Variants in ROBO2 observed in about 807,000 individuals in gnomAD.
ROBO2 encodes the protein roundabout guidance receptor 2, also known as roundabout homolog 2.
Under a neutral mutation model 160.8 loss-of-function variants are expected in ROBO2, and 53 were observed. The observed-to-expected ratio is 0.33, with a 90% confidence interval of 0.26 to 0.41. ROBO2 has a LOEUF of 0.41. Ranked by LOEUF, ROBO2 falls within the 10% of genes least tolerant of loss-of-function variation. The pLI is 1.00. For missense variants in ROBO2, 1,577 were observed against 1,722.4 expected, an observed-to-expected ratio of 0.92 and a Z score of 1.49; for synonymous variants, 664 against 611.7, an observed-to-expected ratio of 1.09 and a Z score of -1.26.
intron 2 of ROBO2, among the ~76,000 whole-genome samples, chr3:75,978,635 C>T (rs2065194797): frequency 6.6e-6 from 1 of 151,448 alleles, no homozygotes; most frequent in African/African-American, 2.4e-5. Context: ...TGATATCAGT[C>T]CTTAAGAGTT....
intron 2 of ROBO2, among the ~76,000 whole-genome samples, chr3:77,461,165 T>A (rs891085422): frequency 6.6e-6 from 1 of 152,168 alleles, no homozygotes; most frequent in African/African-American, 2.4e-5. Flanking sequence ...TTGGGCTGCT[T>A]AATATTTGAG....
intron 2 of ROBO2, among the ~76,000 whole-genome samples, chr3:77,202,625 C>T (rs2083020082): frequency 6.6e-6 from 1 of 152,026 alleles, no homozygotes; most frequent in Non-Finnish European, 1.5e-5. Context: ...TAAGACAGCC[C>T]TCAACTTATT....
At chr3:76,241,477 T>C (rs1254393785) in intron 2 of ROBO2, among the ~76,000 whole-genome samples, 1 of 152,216 alleles carries the variant, frequency 6.6e-6, no homozygotes, top group Non-Finnish European at 1.5e-5. Context: ...TTGTGGAGCT[T>C]ATATACTTGT....
At chr3:77,092,405 C>G (rs1207806381) in intron 1 of ROBO2, among the ~76,000 whole-genome samples, 1 of 151,784 alleles carries the variant, frequency 6.6e-6, no homozygotes, top group Non-Finnish European at 1.5e-5. Flanking sequence ...TCTGCTTCTC[C>G]TATCTATTCA....
chr3:76,796,583 A>G (rs1321280320), intron 2 of ROBO2, among the ~76,000 whole-genome samples: 1 of 151,950 alleles, frequency 6.6e-6, no homozygotes, highest in Non-Finnish European at 1.5e-5. Flanking sequence ...TAAAATGACA[A>G]TAATAAGCTA....
chr3:76,410,857 T>A (rs1164663402), intron 2 of ROBO2, among the ~76,000 whole-genome samples: 1 of 152,194 alleles, frequency 6.6e-6, no homozygotes, highest in East Asian at 1.9e-4. Flanking sequence ...TGGAATGTGA[T>A]GTTTCAGGGA....
At chr3:76,445,748 T>C (rs1559958589) in intron 2 of ROBO2, among the ~76,000 whole-genome samples, 1 of 152,114 alleles carries the variant, frequency 6.6e-6, no homozygotes, top group Non-Finnish European at 1.5e-5. Context: ...CGAAAATCAA[T>C]GAACGTAATC....
Position 76,085,896 on chromosome 3 carries a change from A to G in ROBO2, c.109+148294A>G, listed in dbSNP as rs752631617. ...CAGTTCCTCATAGTGAATATTGGATAAAAATCTCTCAAGCTTCTGGCAGGG... is the reference window on the plus strand; with the variant it reads ...CAGTTCCTCATAGTGAATATTGGATGAAAATCTCTCAAGCTTCTGGCAGGG... On this transcript the variant is annotated intron_variant, in intron 2 of 26. Coordinates refer to the ROBO2 transcript ENST00000487694. Among the ~76,000 whole-genome samples the G allele has an allele frequency of 3.9e-5, 6 of 152,292 alleles. No individual in the cohort carries two copies. In the South Asian group the frequency reaches 6.2e-4, roughly 16 times the overall value.
chr3:76,503,410 C>G (rs2080591908), intron 2 of ROBO2, among the ~76,000 whole-genome samples: 1 of 152,126 alleles, frequency 6.6e-6, no homozygotes, highest in African/African-American at 2.4e-5. Context: ...AGTTGATAAA[C>G]TCAGTATTAG....
chr3:76,482,251 G>T (rs1191696724), intron 2 of ROBO2, among the ~76,000 whole-genome samples: 1 of 152,106 alleles, frequency 6.6e-6, no homozygotes, highest in South Asian at 2.1e-4. Flanking sequence ...TTCCATTTCA[G>T]AAAAACTGAC....
intron 2 of ROBO2, among the ~76,000 whole-genome samples, chr3:77,114,276 T>G (rs1405146900): frequency 6.6e-6 from 1 of 152,074 alleles, no homozygotes; most frequent in Non-Finnish European, 1.5e-5. Context: ...CTTAGTTCAT[T>G]GGAAAAAAGA....
In ROBO2 at chr3:77,303,792, T is replaced by A. The variant is rs542510077; in HGVS notation, c.389-173622T>A. The stretch of plus-strand genomic sequence containing the variant: ...ATCTTTATTTGACAATGAAATATTT[T>A]ATATACATATATATACATATATATA... On this transcript the variant is annotated intron_variant, in intron 2 of 25. Coordinates refer to ENST00000461745, the Ensembl canonical transcript of ROBO2. 2.0e-5 allele frequency among the ~76,000 whole-genome samples: 3 copies of A among 152,076 alleles called. No individual in the cohort carries two copies. In the East Asian group the frequency reaches 5.8e-4, roughly 29 times the overall value.
At chr3:75,960,002 T>C (rs1948853985) in intron 2 of ROBO2, among the ~76,000 whole-genome samples, 1 of 151,762 alleles carries the variant, frequency 6.6e-6, no homozygotes, top group Non-Finnish European at 1.5e-5. Flanking sequence ...GAGTTTGCAG[T>C]AGAGAAAGAG....
chr3:75,924,580 T>C lies in ROBO2; in HGVS notation c.-13-12901T>C, dbSNP rs369573845. On this transcript the variant is annotated intron_variant, in intron 1 of 26. Transcript: ENST00000487694. ...CCTCTGAGTTTGTGTTAATTTATTA[T>C]GAGCAGTAAGAAACACAGTAAGACG... Among the ~76,000 whole-genome samples, 25 of 152,192 alleles carry C rather than the reference T, an allele frequency of 1.6e-4. 1 individual carries two copies. In the East Asian group the frequency reaches 3.9e-3, roughly 24 times the overall value.
At chr3:77,362,770 G>C (rs2070227803) in intron 2 of ROBO2, among the ~76,000 whole-genome samples, 1 of 152,090 alleles carries the variant, frequency 6.6e-6, no homozygotes, top group African/African-American at 2.4e-5. Context: ...CACATGGCTA[G>C]GGAGGCCTCA....
At chr3:77,634,937 T>C in exon 24 of ROBO2, 1 of 1,614,158 alleles carries the variant, frequency 6.2e-7, no homozygotes, top group East Asian at 2.2e-5. Context: ...GTAACACCAG[T>C]GCAGCCCTGA....
chr3:76,122,963 G>C (rs2070814335), intron 2 of ROBO2, among the ~76,000 whole-genome samples: 1 of 151,806 alleles, frequency 6.6e-6, no homozygotes, highest in South Asian at 2.1e-4. Flanking sequence ...TAGCCAGGTT[G>C]GTCTTGATCT....
At chr3:77,238,283 A>G (rs548345484) in intron 2 of ROBO2, among the ~76,000 whole-genome samples, 95 of 152,258 alleles carry the variant, frequency 6.2e-4, no homozygotes, top group African/African-American at 2.3e-3. Flanking sequence ...CTTTGATGCC[A>G]TATCTAAAAA....
chr3:76,696,706 C>T (rs142780329), intron 2 of ROBO2, among the ~76,000 whole-genome samples: 7 of 152,306 alleles, frequency 4.6e-5, no homozygotes, highest in Non-Finnish European at 1.0e-4. Context: ...TGATACGGGT[C>T]TTCCAATTAA....
Sources: gnomAD v4.1 joint callset for allele counts (sites outside exome capture counted in the v4.1 genomes callset) on GRCh38, gnomAD v4.1.1 for gene constraint, MANE v1.5 for transcripts, NCBI Gene and HGNC (gene_info 2026-07-23, HGNC 2026-07-21) for gene names.